CEP350: variants seen among roughly 807,000 people sequenced by gnomAD.
CEP350 encodes centrosomal protein 350, also known as centrosome-associated protein 350.
In CEP350, 126 loss-of-function variants were observed where a neutral mutation model predicts 331.8. The observed-to-expected ratio is 0.38, with a 90% CI of 0.33 to 0.44. The LOEUF (loss-of-function observed/expected upper bound fraction) is 0.44, where lower values mean the gene tolerates loss of function less well. Among genes scored for constraint, CEP350 ranks in the 20% least tolerant of loss-of-function variants. The probability of loss-of-function intolerance (pLI) is 1.00; values close to 1 mark genes in which losing one functional copy is unlikely to be tolerated. For missense variants in CEP350, 3,406 were observed against 3,634.6 expected (o/e 0.94, Z 1.62); for synonymous variants, 1,200 against 1,259.5 (o/e 0.95, Z 1.00).
intron 19 of CEP350, among the ~76,000 whole-genome samples, chr1:180,042,627 G>A (rs886891312): frequency 6.6e-6 from 1 of 152,184 alleles, no homozygotes; most frequent in Non-Finnish European, 1.5e-5. Flanking sequence ...TCAAAGTAGT[G>A]CTTGAACAAA....
At chr1:179,999,132 A>G (rs1653688368) in intron 6 of CEP350, among the ~76,000 whole-genome samples, 1 of 152,172 alleles carries the variant, frequency 6.6e-6, no homozygotes, top group Non-Finnish European at 1.5e-5. Flanking sequence ...AGTATAGATT[A>G]CATATTTAAG....
At chr1:180,090,524 C>T (rs1223571757) in intron 32 of CEP350, among the ~76,000 whole-genome samples, 190 bp from the exon 33 acceptor site, 4 of 109,796 alleles carry the variant, frequency 3.6e-5, no homozygotes, top group East Asian at 3.1e-4. Flanking sequence ...CCAGCCTGGG[C>T]GACAGAGCGA....
intron 1 of CEP350, among the ~76,000 whole-genome samples, chr1:179,969,997 A>G (rs1469769537): frequency 6.6e-6 from 1 of 152,182 alleles, no homozygotes; most frequent in Non-Finnish European, 1.5e-5. Context: ...TAATTTAGAA[A>G]AGTACTCAGG....
In CEP350 at chr1:180,031,484, C is replaced by T. The variant is rs1170671063; in HGVS notation, c.3715C>T (p.His1239Tyr). Residue 1239 changes from histidine to tyrosine, a missense_variant, in exon 15 of 38, where the codon CAT (histidine) becomes TAT (tyrosine). By Grantham distance (83) the His-to-Tyr change is moderately conservative. Coordinates refer to ENST00000367607, the MANE Select transcript of CEP350 (RefSeq NM_014810.5). ...TAGCACTTTGGAGGATCTTTCTGGACATTCTGTGAGGTAATGTATATTTTA... is the reference window on the plus strand; with the variant it reads ...TAGCACTTTGGAGGATCTTTCTGGATATTCTGTGAGGTAATGTATATTTTA... ...TDSTLEDLSG[H>Y]SVSVSSDKGR... is the part of the protein sequence containing the mutation. 6.2e-6 allele frequency: 9 copies of T among 1,459,954 alleles called. No homozygotes were observed. The highest frequency in any genetic ancestry group is 1.8e-4 in the Middle Eastern group (1 of 5,676). The allele number at this position is 1,459,954 out of a possible 1,614,324, so 90.4% of individuals were successfully genotyped here.
At chr1:179,997,261 T>C (rs1333485335) in intron 6 of CEP350, 86 bp downstream of exon 6, 3 of 1,432,384 alleles carry the variant, frequency 2.1e-6, no homozygotes, top group Non-Finnish European at 2.8e-6. Context: ...GAGGATCACC[T>C]TTAGAACAGG....
intron 1 of CEP350, among the ~76,000 whole-genome samples, chr1:179,980,076 A>G (rs1403158784): frequency 6.6e-6 from 1 of 152,056 alleles, no homozygotes; most frequent in Non-Finnish European, 1.5e-5. Flanking sequence ...GAAGAATACC[A>G]TTGGTATTTT....
At chr1:179,979,222 C>T (rs1048967486) in intron 1 of CEP350, among the ~76,000 whole-genome samples, 1 of 152,012 alleles carries the variant, frequency 6.6e-6, no homozygotes, top group Non-Finnish European at 1.5e-5. Flanking sequence ...TATATCCTCG[C>T]TAGCATTTGT....
intron 37 of CEP350, among the ~76,000 whole-genome samples, chr1:180,106,140 T>G (rs1207004075): frequency 6.6e-6 from 1 of 152,306 alleles, no homozygotes; most frequent in Non-Finnish European, 1.5e-5. Flanking sequence ...GTATAACCTT[T>G]ATGTACAGTA....
intron 25 of CEP350, among the ~76,000 whole-genome samples, chr1:180,055,414 A>G (rs921339040): frequency 1.3e-5 from 2 of 152,118 alleles, no homozygotes; most frequent in African/African-American, 4.8e-5. Context: ...ACCTGTTGTC[A>G]GGTGCTAGCT....
At position 180,026,387 on chromosome 1, in the gene CEP350, C is replaced by T. The variant is rs560644687; in HGVS notation, c.3550+1805C>T. Among the ~76,000 whole-genome samples, 7 of 152,304 alleles carry T rather than the reference C, an allele frequency of 4.6e-5. No individual in the cohort carries two copies. The South Asian group carries it at 1.4e-3, about 32-fold the overall frequency. ...CTCGAACTCCTGGGCTCAAGCAATC[C>T]TTTTGCCTCCGCCTCCCAAAATGTT... is the stretch of plus-strand genomic sequence containing the variant. On this transcript the variant is annotated intron_variant, in intron 14 of 37. Transcript: ENST00000367607.
Position 180,062,233 on chromosome 1 carries a change from G to T in CEP350, c.5276G>T (p.Arg1759Leu), listed in dbSNP as rs201512629. 384 of 1,608,412 alleles carry T rather than the reference G, an allele frequency of 2.4e-4. 1 individual carries two copies. The highest frequency in any genetic ancestry group is 3.8e-5 in the Non-Finnish European group (45 of 1,177,370). The change falls in exon 26 of 38, where the codon CGT becomes CTT. Residue 1759 changes from arginine to leucine, a missense_variant. Arg to Leu is a moderately radical substitution (Grantham distance 102, BLOSUM62 -2). This residue lies in a region of CEP350 where 1,415 missense variants were observed against 1,512.3 expected (regional missense o/e 0.94). Coordinates refer to ENST00000367607, the MANE Select transcript of CEP350 (RefSeq NM_014810.5). The stretch of plus-strand genomic sequence containing the variant: ...TTTAAACCTTAGGCAGAAATAAAAC[G>T]TCTTCAAGAAGCCAATAAGGCAGCT... The part of the protein sequence containing the change: ...RLQQEKAEIK[R>L]LQEANKAARK...
Position 180,020,168 on chromosome 1 carries a change from A to C in CEP350, c.2394A>C (p.Pro798=), listed in dbSNP as rs371839858. The part of the protein sequence containing the change: ...ASRPLTFTPQ[P]YVTSPAAYTD... ...GGCCATTAACTTTTACACCTCAACC[A>C]TATGTGACCTCACCAGCTGCTTATA... The change falls in exon 12 of 38, where the codon CCA becomes CCC. Residue 798 remains proline (P), a synonymous_variant. Coordinates refer to ENST00000367607, the MANE Select transcript of CEP350 (RefSeq NM_014810.5). 12 of 1,613,896 alleles carry C rather than the reference A, an allele frequency of 7.4e-6. No homozygotes were observed. Among genetic ancestry groups the C allele is most frequent in the Admixed American group, 1.7e-5 (1 of 60,000 alleles).
Position 180,036,980 on chromosome 1 carries a change from G to C in CEP350, c.4001G>C (p.Ser1334Thr), listed in dbSNP as rs750235609. ...GLHHRMAAEL[S>T]YLNAIEESVR... ...CATCATCGTATGGCAGCAGAACTCAGTTATCTGAACGCCATTGAGGAGTCG... is the reference window on the plus strand; with the variant it reads ...CATCATCGTATGGCAGCAGAACTCACTTATCTGAACGCCATTGAGGAGTCG... Residue 1334 changes from serine (S) to threonine (T), a missense_variant, in exon 17 of 38, where the codon AGT becomes ACT. Physicochemically the swap from Ser to Thr is moderately conservative, Grantham distance 58. Around this residue, in one of 5 missense-constraint regions of CEP350, gnomAD observed 1,857 missense variants for 1,909.2 expected, o/e 0.97. Transcript: ENST00000367607. 81 of 1,595,568 alleles carry C rather than the reference G, an allele frequency of 5.1e-5. No individual in the cohort carries two copies. The highest frequency in any genetic ancestry group is 6.3e-5 in the Non-Finnish European group (74 of 1,170,988).
chr1:180,026,896 C>A (rs1655714962), intron 14 of CEP350, among the ~76,000 whole-genome samples: 1 of 152,120 alleles, frequency 6.6e-6, no homozygotes, highest in East Asian at 1.9e-4. Flanking sequence ...GTATTTTCCA[C>A]CTTTTAGCTA....
chr1:180,044,733 C>T (rs978056459), intron 21 of CEP350, among the ~76,000 whole-genome samples: 3 of 149,314 alleles, frequency 2.0e-5, no homozygotes, highest in East Asian at 2.0e-4. Flanking sequence ...TGCTAAATGA[C>T]GAGTTAATGG....
At chr1:180,036,839 G>T in intron 16 of CEP350, 87 bp from the exon 17 acceptor site, 3 of 1,389,018 alleles carry the variant, frequency 2.2e-6, no homozygotes, top group Non-Finnish European at 2.8e-6. Flanking sequence ...AAGCAAAGTT[G>T]ATTTTGGCTC....
intron 16 of CEP350, among the ~76,000 whole-genome samples, chr1:180,035,290 A>G (rs569994986): frequency 1.1e-4 from 16 of 152,262 alleles, no homozygotes; most frequent in Non-Finnish European, 1.3e-4. Flanking sequence ...ACAAGTGCTA[A>G]TGTAGAAGTT....
intron 11 of CEP350, among the ~76,000 whole-genome samples, chr1:180,019,585 G>A (rs1466695982): frequency 6.6e-6 from 1 of 151,956 alleles, no homozygotes; most frequent in African/African-American, 2.4e-5. Context: ...GTATTGTAAG[G>A]AATTCTGTTT....
At chr1:179,980,864 A>G (rs1652229518) in intron 1 of CEP350, among the ~76,000 whole-genome samples, 1 of 152,166 alleles carries the variant, frequency 6.6e-6, no homozygotes, top group South Asian at 2.1e-4. Flanking sequence ...TACTTTCCTC[A>G]TTCTTAGTCC....
Sources: gnomAD v4.1 joint callset for allele counts (sites outside exome capture counted in the v4.1 genomes callset) on GRCh38, gnomAD v4.1.1 for gene constraint, gnomAD v4.1.1 regional missense constraint, MANE v1.5 for transcripts, NCBI Gene and HGNC (gene_info 2026-07-23, HGNC 2026-07-21) for gene names.